SMAD1: variants seen among roughly 807,000 people sequenced by gnomAD.
The protein encoded by SMAD1 is MAD, mothers against decapentaplegic homolog 1.
A neutral mutation model predicts 41.6 loss-of-function variants in SMAD1; 6 were observed. That is an observed-to-expected ratio of 0.14 (90% CI 0.08 to 0.28). The LOEUF is 0.28. SMAD1 is among the 10% of genes least tolerant of loss of function. The pLI is 1.00. For missense variants in SMAD1, 379 were observed against 582.6 expected, an observed-to-expected ratio of 0.65 and a Z score of 3.60; for synonymous variants, 206 against 203.2, an observed-to-expected ratio of 1.01 and a Z score of -0.12.
At chr4:145,521,384 T>TA (rs1430421492) in intron 2 of SMAD1, among the ~76,000 whole-genome samples, 2 of 152,212 alleles carry the variant, frequency 1.3e-5, no homozygotes, top group African/African-American at 4.8e-5. Flanking sequence ...ACTTTGAACT[T>TA]AATCAGCTTG....
intron 2 of SMAD1, among the ~76,000 whole-genome samples, chr4:145,516,812 C>T (rs1056797520): frequency 8.6e-5 from 13 of 152,002 alleles, no homozygotes; most frequent in African/African-American, 2.9e-4. Context: ...TTTTGATCCT[C>T]GTAGTAACCT....
intron 1 of SMAD1, among the ~76,000 whole-genome samples, chr4:145,503,681 C>T (rs1454024270): frequency 1.3e-5 from 2 of 152,186 alleles, no homozygotes; most frequent in African/African-American, 4.8e-5. Context: ...AATGCCATTT[C>T]CTTATAACGT....
intron 2 of SMAD1, among the ~76,000 whole-genome samples, chr4:145,534,950 G>A (rs1404187524): frequency 1.3e-5 from 2 of 151,302 alleles, no homozygotes; most frequent in Non-Finnish European, 2.9e-5. Context: ...ACAAATGATA[G>A]TCATGGTAAA....
chr4:145,537,420 G>C (rs1731669687), intron 2 of SMAD1, among the ~76,000 whole-genome samples: 1 of 152,118 alleles, frequency 6.6e-6, no homozygotes, highest in African/African-American at 2.4e-5. Flanking sequence ...TTAAAAATTG[G>C]TGAATCTGGG....
chr4:145,528,016 G>A (rs1364114261), intron 2 of SMAD1, among the ~76,000 whole-genome samples: 1 of 151,548 alleles, frequency 6.6e-6, no homozygotes, highest in Admixed American at 6.6e-5. Flanking sequence ...GAGTGTCTGG[G>A]ACTACAGGCA....
chr4:145,488,415 A>C (rs1728599230), intron 1 of SMAD1, among the ~76,000 whole-genome samples: 1 of 151,838 alleles, frequency 6.6e-6, no homozygotes, highest in Admixed American at 6.6e-5. Flanking sequence ...TTGCTCTACA[A>C]TCTGAGATTG....
chr4:145,518,127 T>G (rs1730525940), intron 2 of SMAD1, among the ~76,000 whole-genome samples: 1 of 125,656 alleles, frequency 8.0e-6, no homozygotes, highest in South Asian at 2.6e-4. Context: ...GGCAGCCAGA[T>G]GTGGTGGTAC....
At position 145,557,821 on chromosome 4, in the gene SMAD1, G is replaced by A. The variant is rs757373765; in HGVS notation, c.1285G>A (p.Val429Ile). Reference sequence around the variant, plus strand: ...GGGAGCAGAATACCACCGCCAGGATGTTACTAGCACCCCCTGCTGGATTGA... The same window carrying A: ...GGGAGCAGAATACCACCGCCAGGATATTACTAGCACCCCCTGCTGGATTGA... ...GWGAEYHRQD[V>I]TSTPCWIEIH... The change falls in exon 7 of 7, where the codon GTT becomes ATT. Residue 429 changes from valine (V) to isoleucine (I), a missense_variant. Transcript: ENST00000302085. 6.2e-7 allele frequency: 1 copy of A among 1,610,708 alleles called. No individual in the cohort carries two copies. The highest frequency in any genetic ancestry group is 8.5e-7 in the Non-Finnish European group (1 of 1,177,878).
chr4:145,531,167 A>G (rs1256713258), intron 2 of SMAD1, among the ~76,000 whole-genome samples: 7 of 152,348 alleles, frequency 4.6e-5, no homozygotes, highest in East Asian at 1.9e-4. Context: ...TTTAACCTCT[A>G]TTGAGGTTCC....
At chr4:145,484,097 A>G (rs1728343494) in intron 1 of SMAD1, among the ~76,000 whole-genome samples, 1 of 152,210 alleles carries the variant, frequency 6.6e-6, no homozygotes, top group South Asian at 2.1e-4. Flanking sequence ...GATTTCTAGC[A>G]ATTCTGGGTT....
chr4:145,508,816 C>G (rs1363501887), intron 1 of SMAD1, among the ~76,000 whole-genome samples: 2 of 152,168 alleles, frequency 1.3e-5, no homozygotes, highest in African/African-American at 4.8e-5. Context: ...ATGGCCTCTT[C>G]TCTCTGTAAC....
At chr4:145,487,231 T>C (rs1376458570) in intron 1 of SMAD1, among the ~76,000 whole-genome samples, 1 of 152,180 alleles carries the variant, frequency 6.6e-6, no homozygotes, top group African/African-American at 2.4e-5. Context: ...GAATCTCCTC[T>C]TGACTCTCGA....
At chr4:145,527,877 TC>T (rs1285528771) in intron 2 of SMAD1, among the ~76,000 whole-genome samples, 2 of 150,372 alleles carry the variant, frequency 1.3e-5, no homozygotes, top group Non-Finnish European at 2.9e-5. Flanking sequence ...TTTTTTTTTT[TC>T]GAGACAGAAT....
intron 1 of SMAD1, among the ~76,000 whole-genome samples, chr4:145,499,733 C>A (rs574381316): frequency 6.6e-6 from 1 of 152,240 alleles, no homozygotes; most frequent in South Asian, 2.1e-4. Flanking sequence ...TCAGAATATT[C>A]CAACATCCAA....
intron 2 of SMAD1, among the ~76,000 whole-genome samples, chr4:145,516,117 G>A (rs1159728919): frequency 6.6e-6 from 1 of 152,068 alleles, no homozygotes; most frequent in African/African-American, 2.4e-5. Flanking sequence ...GTGTAAACTG[G>A]AACCCCTGTT....
chr4:145,533,543 G>T (rs931710572), intron 2 of SMAD1, among the ~76,000 whole-genome samples: 2 of 151,672 alleles, frequency 1.3e-5, no homozygotes, highest in African/African-American at 4.8e-5. Flanking sequence ...AATTAACTGC[G>T]CATGGTGGCA....
intron 2 of SMAD1, among the ~76,000 whole-genome samples, chr4:145,537,717 A>G (rs1017522347): frequency 3.3e-5 from 5 of 152,116 alleles, no homozygotes; most frequent in South Asian, 2.1e-4. Context: ...CAGATTTTCA[A>G]CTTGGGAAGC....
At chr4:145,487,006 C>T (rs1367661295) in intron 1 of SMAD1, among the ~76,000 whole-genome samples, 2 of 152,032 alleles carry the variant, frequency 1.3e-5, no homozygotes, top group East Asian at 1.9e-4. Flanking sequence ...ACTTTTTATA[C>T]CTAACATTGT....
At chr4:145,541,033 G>A (rs1731902425) in intron 3 of SMAD1, among the ~76,000 whole-genome samples, 1 of 152,040 alleles carries the variant, frequency 6.6e-6, no homozygotes, top group African/African-American at 2.4e-5. Flanking sequence ...TCAGTCCAAA[G>A]CTGTTTGGGA....
Sources: gnomAD v4.1 joint callset for allele counts (sites outside exome capture counted in the v4.1 genomes callset) on GRCh38, gnomAD v4.1.1 for gene constraint, MANE v1.5 for transcripts, NCBI Gene and HGNC (gene_info 2026-07-23, HGNC 2026-07-21) for gene names.